Variants in CSMD2 observed in about 807,000 individuals in gnomAD.
CSMD2 encodes CUB and Sushi multiple domains 2.
CSMD2 carries 130 observed loss-of-function variants against 398.5 expected under a neutral mutation model. That is an observed-to-expected ratio of 0.33 (90% CI 0.28 to 0.38). The LOEUF is 0.38. Among genes scored for constraint, CSMD2 ranks in the 10% least tolerant of loss-of-function variants. The pLI is 1.00. For synonymous variants in CSMD2, 1,828 were observed against 1,908.5 expected (o/e 0.96, Z 1.10); for missense variants, 3,829 against 4,764.9 (o/e 0.80, Z 5.78).
intron 53 of CSMD2, among the ~76,000 whole-genome samples, chr1:33,560,102 G>C (rs1363631244): frequency 1.3e-5 from 2 of 152,148 alleles, no homozygotes; most frequent in Non-Finnish European, 2.9e-5. Context: ...TAGGGACCTA[G>C]TTGTCTGCAG....
At chr1:33,845,165 A>G (rs1397686146) in intron 6 of CSMD2, among the ~76,000 whole-genome samples, 1 of 152,242 alleles carries the variant, frequency 6.6e-6, no homozygotes. Flanking sequence ...AGACACCCAA[A>G]GCACCATCAG....
chr1:33,986,336 C>T (rs561511724), intron 3 of CSMD2, among the ~76,000 whole-genome samples: 48 of 152,292 alleles, frequency 3.2e-4, no homozygotes, highest in Non-Finnish European at 5.1e-4. Context: ...AATCCTCCCT[C>T]CTTGGGTAGG....
chr1:34,111,607 G>A (rs996074261), intron 1 of CSMD2, among the ~76,000 whole-genome samples: 1 of 152,188 alleles, frequency 6.6e-6, no homozygotes, highest in Non-Finnish European at 1.5e-5. Context: ...TCCCAAAGAA[G>A]CAGGTATTAT....
intron 3 of CSMD2, among the ~76,000 whole-genome samples, chr1:34,016,890 C>A (rs947654768): frequency 6.6e-6 from 1 of 152,192 alleles, no homozygotes; most frequent in Non-Finnish European, 1.5e-5. Flanking sequence ...GTGCTCCCAT[C>A]ATGCAACCCT....
intron 19 of CSMD2, among the ~76,000 whole-genome samples, chr1:33,723,150 A>G (rs1200062733): frequency 6.6e-6 from 1 of 152,260 alleles, no homozygotes; most frequent in East Asian, 1.9e-4. Flanking sequence ...GTTAACATTA[A>G]TTTAGCCCAT....
At chr1:33,898,185 CATG>C (rs1278881092) in intron 5 of CSMD2, among the ~76,000 whole-genome samples, 5 of 152,166 alleles carry the variant, frequency 3.3e-5, no homozygotes, top group African/African-American at 1.2e-4. Flanking sequence ...CTCTTGCAGT[CATG>C]ATAACCAAAC....
At chr1:34,065,163 C>G (rs149934654) in intron 2 of CSMD2, among the ~76,000 whole-genome samples, 59 of 152,280 alleles carry the variant, frequency 3.9e-4, no homozygotes, top group African/African-American at 1.3e-3. Context: ...TCCCCCAACC[C>G]CACCTCATGA....
intron 2 of CSMD2, among the ~76,000 whole-genome samples, chr1:34,062,236 C>T (rs191993589): frequency 6.6e-6 from 1 of 152,338 alleles, no homozygotes; most frequent in African/African-American, 2.4e-5. Flanking sequence ...AAGCACCCAC[C>T]AGGCCCTCTG....
rs1164168792 is a variant in CSMD2, at chr1:33,514,728, G to A, written c.*1896C>T. On this transcript the variant is annotated 3_prime_UTR_variant, in exon 71 of 71. Transcript: ENST00000373381. ...CTTGTTTCCAGCCAAGGAAAGAGAT[G>A]AGAGTGTGAGTGTGTCTGGATTGGC... 3 of 152,650 alleles carry A rather than the reference G, an allele frequency of 2.0e-5. No homozygotes were observed. In the East Asian group the frequency reaches 5.8e-4, roughly 29 times the overall value. 9.5% of individuals were successfully genotyped at this position (152,650 alleles called of 1,614,324 possible).
chr1:34,118,441 C>A (rs1234841141), intron 1 of CSMD2, among the ~76,000 whole-genome samples: 1 of 152,130 alleles, frequency 6.6e-6, no homozygotes, highest in East Asian at 1.9e-4. Flanking sequence ...AAACAAAAGT[C>A]ATCCAAACTA....
At chr1:33,789,013 G>T (rs558147558) in intron 11 of CSMD2, among the ~76,000 whole-genome samples, 1 of 152,226 alleles carries the variant, frequency 6.6e-6, no homozygotes, top group South Asian at 2.1e-4. Flanking sequence ...CAGGGGACAG[G>T]GATAGTTGGA....
chr1:33,974,876 A>C (rs1176395298), intron 3 of CSMD2, among the ~76,000 whole-genome samples: 1 of 152,238 alleles, frequency 6.6e-6, no homozygotes, highest in Non-Finnish European at 1.5e-5. Flanking sequence ...CTACAAGAGC[A>C]AACTCAGATG....
In CSMD2 at chr1:33,698,858, C is replaced by T. The variant is rs757616344; in HGVS notation, c.3820G>A (p.Val1274Met). The T allele has an allele frequency of 6.8e-6, 11 of 1,614,070 alleles. No homozygotes were observed. The highest frequency in any genetic ancestry group is 2.2e-5 in the East Asian group (1 of 44,894). The change falls in exon 24 of 71, where the codon GTG becomes ATG. Residue 1274 changes from valine (V) to methionine (M), a missense_variant. Physicochemically the swap from Val to Met is conservative, Grantham distance 21. Coordinates refer to ENST00000373381, the MANE Select transcript of CSMD2 (RefSeq NM_001281956.2). The part of the protein sequence containing the change: ...HDEGHFAGSS[V>M]SFSCDPGYSL... ...TATCCAGGGTCACAGCTGAAGGACA[C>T]GGAGCTCCCTGCAAAATGACCTTCA...
chr1:33,610,471 T>C (rs1640920461), intron 41 of CSMD2, among the ~76,000 whole-genome samples: 1 of 152,146 alleles, frequency 6.6e-6, no homozygotes, highest in African/African-American at 2.4e-5. Flanking sequence ...TGAGTGTAGA[T>C]GGGGCTCTTT....
chr1:33,719,411 A>C (rs1472436049), intron 19 of CSMD2, among the ~76,000 whole-genome samples: 1 of 152,188 alleles, frequency 6.6e-6, no homozygotes, highest in Non-Finnish European at 1.5e-5. Context: ...TCTAAGGATG[A>C]GCAAACATCT....
intron 1 of CSMD2, among the ~76,000 whole-genome samples, chr1:34,095,825 A>G (rs1479864309): frequency 2.0e-5 from 3 of 151,546 alleles, no homozygotes; most frequent in African/African-American, 4.9e-5. Flanking sequence ...GAATTCTACC[A>G]GAGGTACAAG....
At chr1:33,965,477 G>C (rs1328100710) in intron 3 of CSMD2, among the ~76,000 whole-genome samples, 1 of 152,174 alleles carries the variant, frequency 6.6e-6, no homozygotes, top group Non-Finnish European at 1.5e-5. Context: ...CTCCAGCCAA[G>C]GCCACGGGGT....
chr1:33,559,274 G>A lies in CSMD2; in HGVS notation c.8554+26C>T, dbSNP rs1364268961. The A allele has an allele frequency of 6.5e-7, 1 of 1,531,678 alleles. No homozygotes were observed. The highest frequency in any genetic ancestry group is 8.7e-7 in the Non-Finnish European group (1 of 1,144,830). The allele number at this position is 1,531,678 out of a possible 1,614,324, so 94.9% of individuals were successfully genotyped here. Reference sequence around the variant, plus strand: ...ACATATAGCAGAGATGGTGGGGACTGGATTGGGAGAGAAAGGGTGACTCAC... The same window carrying A: ...ACATATAGCAGAGATGGTGGGGACTAGATTGGGAGAGAAAGGGTGACTCAC... On this transcript the variant is annotated intron_variant, in intron 54 of 70. Transcript: ENST00000373381. The surrounding 1 kb of genome is among the most constrained non-coding windows in gnomAD (Gnocchi z 4.0).
In CSMD2 at chr1:34,164,751, G is replaced by A. The variant is rs1185173352; in HGVS notation, c.187+160C>T. On this transcript the variant is annotated intron_variant, in intron 1 of 70. Coordinates refer to ENST00000373381, the MANE Select transcript of CSMD2 (RefSeq NM_001281956.2). The surrounding 1 kb of genome is among the most constrained non-coding windows in gnomAD (Gnocchi z 6.2). ...CGTGGCTGAGGGTGGGGTGGGAGAC[G>A]GAGGCAGGGATGAGAATGAGAGTAG... is the stretch of plus-strand genomic sequence containing the variant. Among the ~76,000 whole-genome samples, 2 of 151,776 alleles carry A rather than the reference G, an allele frequency of 1.3e-5. No homozygotes were observed. Among genetic ancestry groups the A allele is most frequent in the African/African-American group, 4.8e-5 (2 of 41,320 alleles).
Sources: allele counts gnomAD v4.1 joint callset (sites outside exome capture counted in the v4.1 genomes callset), GRCh38; gene constraint gnomAD v4.1.1; non-coding constraint Gnocchi (gnomAD v3.1); transcripts MANE v1.5; gene names NCBI Gene and HGNC (gene_info 2026-07-23, HGNC 2026-07-21).